Variants in ATF7IP2 observed in about 807,000 individuals in gnomAD.
ATF7IP2 encodes the protein activating transcription factor 7 interacting protein 2, also known as activating transcription factor 7-interacting protein 2.
Under a neutral mutation model 64.2 loss-of-function variants are expected in ATF7IP2, and 42 were observed. The observed-to-expected ratio is 0.65, with a 90% CI of 0.51 to 0.85. The LOEUF (loss-of-function observed/expected upper bound fraction) is 0.85, where lower values mean the gene tolerates loss of function less well. Among genes scored for constraint, ATF7IP2 ranks in the 40% least tolerant of loss-of-function variants. The pLI is 0.00. For synonymous variants in ATF7IP2, 308 were observed against 272.8 expected (o/e 1.13, Z -1.27); for missense variants, 933 against 784.2 (o/e 1.19, Z -2.27).
At chr16:10,455,274 G>C (rs1425892770) in intron 8 of ATF7IP2, among the ~76,000 whole-genome samples, 2 of 152,134 alleles carry the variant, frequency 1.3e-5, no homozygotes, top group Non-Finnish European at 2.9e-5. Context: ...AATCAAAAGG[G>C]TTCTTACAAA....
At chr16:10,423,975 A>G (rs1039889357) in intron 3 of ATF7IP2, among the ~76,000 whole-genome samples, 2 of 152,236 alleles carry the variant, frequency 1.3e-5, no homozygotes, top group Non-Finnish European at 2.9e-5. Flanking sequence ...GATAGCCTTC[A>G]TAGCTGAGAG....
Position 10,438,215 on chromosome 16 carries a change from G to A in ATF7IP2, c.1075G>A (p.Gly359Arg), listed in dbSNP as rs757322659. The change falls in exon 7 of 14, where the codon GGA (glycine) becomes AGA (arginine). Residue 359 changes from glycine (G) to arginine (R), a missense_variant. Transcript: ENST00000562102. Reference sequence around the variant, plus strand: ...GACAGAGTGCAGAAATAAGCATGAAGGAATAGCTGATAAACTTTTGGTAAG... The same window carrying A: ...GACAGAGTGCAGAAATAAGCATGAAAGAATAGCTGATAAACTTTTGGTAAG... ...GKTECRNKHE[G>R]IADKLLAKIA... 10 of 1,596,330 alleles carry A rather than the reference G, an allele frequency of 6.3e-6. No homozygotes were observed. Among genetic ancestry groups the A allele is most frequent in the Non-Finnish European group, 8.5e-6 (10 of 1,174,040 alleles).
At chr16:10,437,538 C>T (rs1182277679) in intron 6 of ATF7IP2, among the ~76,000 whole-genome samples, 6 of 152,118 alleles carry the variant, frequency 3.9e-5, no homozygotes, top group Admixed American at 3.9e-4. Flanking sequence ...CTTTGAGTAT[C>T]ACTTGTTCAA....
At chr16:10,409,746 A>T (rs2047714673) in intron 1 of ATF7IP2, among the ~76,000 whole-genome samples, 1 of 152,130 alleles carries the variant, frequency 6.6e-6, no homozygotes, top group Non-Finnish European at 1.5e-5. Context: ...TCTTGAGTTG[A>T]TTTTTGTCTA....
intron 1 of ATF7IP2, among the ~76,000 whole-genome samples, chr16:10,389,304 GA>G (rs1300410636): frequency 6.6e-6 from 1 of 152,166 alleles, no homozygotes; most frequent in African/African-American, 2.4e-5. Flanking sequence ...TGATTTAACT[GA>G]AAATACGATG....
At chr16:10,451,224 C>T (rs562627671) in intron 8 of ATF7IP2, among the ~76,000 whole-genome samples, 1 of 152,292 alleles carries the variant, frequency 6.6e-6, no homozygotes, top group East Asian at 1.9e-4. Context: ...GTAACCTTAC[C>T]TTTCTCTCTG....
At chr16:10,404,279 G>A (rs1326567161) in intron 1 of ATF7IP2, among the ~76,000 whole-genome samples, 1 of 152,146 alleles carries the variant, frequency 6.6e-6, no homozygotes, top group African/African-American at 2.4e-5. Flanking sequence ...TTGAGACAGA[G>A]TCTCACTCTG....
intron 8 of ATF7IP2, among the ~76,000 whole-genome samples, chr16:10,444,300 G>C (rs932480276): frequency 2.0e-5 from 3 of 152,140 alleles, no homozygotes; most frequent in Admixed American, 6.5e-5. Flanking sequence ...CCTCCAAAGG[G>C]GGTCATGCCT....
At chr16:10,481,445 C>A (rs1398531935) in intron 13 of ATF7IP2, among the ~76,000 whole-genome samples, 2 of 151,978 alleles carry the variant, frequency 1.3e-5, no homozygotes, top group African/African-American at 4.8e-5. Flanking sequence ...CCACCACGCA[C>A]AGCTAATTTT....
At position 10,472,159 on chromosome 16, in the gene ATF7IP2, A is replaced by T. The variant is rs1344087517; in HGVS notation, c.1402A>T (p.Thr468Ser). 9 of 1,568,076 alleles carry T rather than the reference A, an allele frequency of 5.7e-6. No individual in the cohort carries two copies. Among genetic ancestry groups the T allele is most frequent in the Non-Finnish European group, 7.8e-6 (9 of 1,147,644 alleles). The change falls in exon 10 of 14, where the codon ACT (threonine) becomes TCT (serine). Residue 468 changes from threonine to serine, a missense_variant. Thr to Ser is a moderately conservative substitution (Grantham distance 58, BLOSUM62 1). Coordinates refer to ENST00000562102, the MANE Select transcript of ATF7IP2 (RefSeq NM_001393719.1). ...TTCTGTGGAAAGTCCTAATTTGACAACTCCAATTACATCAAATCCAACAGG... is the reference window on the plus strand; with the variant it reads ...TTCTGTGGAAAGTCCTAATTTGACATCTCCAATTACATCAAATCCAACAGG... ...LISVESPNLT[T>S]PITSNPTDTR... is the part of the protein sequence containing the mutation.
intron 12 of ATF7IP2, among the ~76,000 whole-genome samples, chr16:10,476,908 G>A (rs558640573): frequency 6.6e-6 from 1 of 152,054 alleles, no homozygotes; most frequent in Non-Finnish European, 1.5e-5. Context: ...TCATTGATGG[G>A]CTTTTGGGTT....
intron 3 of ATF7IP2, among the ~76,000 whole-genome samples, chr16:10,425,184 G>A (rs1187020520): frequency 6.7e-6 from 1 of 149,620 alleles, no homozygotes; most frequent in Admixed American, 6.7e-5. Flanking sequence ...TCAGCCTCCT[G>A]AGTAGCTGGG....
At chr16:10,427,313 G>A (rs948719954) in intron 3 of ATF7IP2, among the ~76,000 whole-genome samples, 4 of 152,170 alleles carry the variant, frequency 2.6e-5, no homozygotes, top group African/African-American at 9.7e-5. Context: ...CCCAAATTAA[G>A]ACAATGAGAG....
intron 13 of ATF7IP2, among the ~76,000 whole-genome samples, chr16:10,481,495 G>C (rs941417534): frequency 6.6e-6 from 1 of 152,210 alleles, no homozygotes; most frequent in Non-Finnish European, 1.5e-5. Context: ...ATGTTGGCCA[G>C]GCTGGTCTCA....
chr16:10,394,239 G>A (rs188289093), intron 1 of ATF7IP2, among the ~76,000 whole-genome samples: 71 of 152,256 alleles, frequency 4.7e-4, no homozygotes, highest in Non-Finnish European at 9.6e-4. Flanking sequence ...TAAAGCTATC[G>A]TGCCTATACT....
At chr16:10,424,328 G>T (rs1440835015) in intron 3 of ATF7IP2, among the ~76,000 whole-genome samples, 1 of 152,108 alleles carries the variant, frequency 6.6e-6, no homozygotes, top group Non-Finnish European at 1.5e-5. Flanking sequence ...TTGGGGTCCT[G>T]TTCCCAACAG....
chr16:10,481,046 G>C, intron 13 of ATF7IP2, 82 bp downstream of exon 13: 1 of 1,032,532 alleles, frequency 9.7e-7, no homozygotes, highest in Non-Finnish European at 1.5e-6. Context: ...AGAAACATTT[G>C]GGTCACATTT....
In ATF7IP2 at chr16:10,482,363, T is replaced by G; in HGVS notation, c.*114T>G. On this transcript the variant is annotated 3_prime_UTR_variant, in exon 14 of 14. Transcript: ENST00000562102. ...AGCTCAGATTGTGAGCCCTTTCTATTGGGACAGTCCTCTTCTATATGTTTT... is the reference window on the plus strand; with the variant it reads ...AGCTCAGATTGTGAGCCCTTTCTATGGGGACAGTCCTCTTCTATATGTTTT... The G allele has an allele frequency of 2.7e-6, 2 of 752,540 alleles. No homozygotes were observed. The highest frequency in any genetic ancestry group is 4.3e-6 in the Non-Finnish European group (2 of 469,474). The allele number at this position is 752,540 out of a possible 1,614,324, so 46.6% of individuals were successfully genotyped here. A position where few individuals can be genotyped will look rare whatever the true frequency, so the allele number is the denominator to read the frequency against.
chr16:10,455,982 C>A (rs72779779), intron 8 of ATF7IP2, among the ~76,000 whole-genome samples: 2 of 151,304 alleles, frequency 1.3e-5, no homozygotes, highest in African/African-American at 4.9e-5. Flanking sequence ...GATTTTATTT[C>A]TTTTTTTATT....
Sources: gnomAD v4.1 joint callset for allele counts (sites outside exome capture counted in the v4.1 genomes callset) on GRCh38, gnomAD v4.1.1 for gene constraint, MANE v1.5 for transcripts, NCBI Gene and HGNC (gene_info 2026-07-23, HGNC 2026-07-21) for gene names.